Variants in GPR55 observed in about 807,000 individuals in gnomAD.
The protein encoded by GPR55 is G protein-coupled receptor 55, also known as G-protein coupled receptor 55.
Under a neutral mutation model 7.9 loss-of-function variants are expected in GPR55, and 6 were observed. The observed-to-expected ratio is 0.76, with a 90% CI of 0.41 to 1.49. The LOEUF (loss-of-function observed/expected upper bound fraction) is 1.49. Ranked by LOEUF, GPR55 falls within the 40% of genes most tolerant of loss-of-function variation. The pLI, the probability that GPR55 is intolerant of heterozygous loss-of-function variation, is 0.01. For synonymous variants in GPR55, 183 were observed against 166.8 expected, an observed-to-expected ratio of 1.10 and a Z score of -0.75; for missense variants, 376 against 406.0, an observed-to-expected ratio of 0.93 and a Z score of 0.63.
chr2:230,922,196 G>A (rs911634840), intron 1 of GPR55, among the ~76,000 whole-genome samples: 1 of 152,158 alleles, frequency 6.6e-6, no homozygotes, highest in Admixed American at 6.5e-5. Context: ...TCAATATAAG[G>A]CTGTTTTCCA....
chr2:230,957,980 T>C, intron 1 of GPR55: 1 of 426,640 alleles, frequency 2.3e-6, no homozygotes, highest in Non-Finnish European at 4.7e-6. Flanking sequence ...GAAATCAGAC[T>C]CCCTGAAGTC....
chr2:230,938,353 A>G (rs1691165282), intron 1 of GPR55, among the ~76,000 whole-genome samples: 2 of 150,330 alleles, frequency 1.3e-5, no homozygotes, highest in Non-Finnish European at 1.5e-5. Flanking sequence ...CTTCTAAACT[A>G]TGTAAGAAAT....
chr2:230,929,257 G>A (rs1268675163), upstream of GPR55, among the ~76,000 whole-genome samples: 1 of 152,136 alleles, frequency 6.6e-6, no homozygotes, highest in Non-Finnish European at 1.5e-5. Context: ...AGTCCCTGAG[G>A]ACTGACACCC....
At chr2:230,939,384 G>T (rs1167033589) in intron 1 of GPR55, among the ~76,000 whole-genome samples, 3 of 152,214 alleles carry the variant, frequency 2.0e-5, no homozygotes, top group Non-Finnish European at 4.4e-5. Context: ...GCAGTTTGGA[G>T]CCAGGCAATG....
At chr2:230,942,896 T>C (rs1302614332) in intron 1 of GPR55, among the ~76,000 whole-genome samples, 1 of 151,962 alleles carries the variant, frequency 6.6e-6, no homozygotes, top group African/African-American at 2.4e-5. Flanking sequence ...AGCAGACCAA[T>C]TTTTCCTTCA....
chr2:230,909,627 TTC>T lies in GPR55; in HGVS notation c.*374_*375del, dbSNP rs891866656. The T allele has an allele frequency of 3.6e-3, 759 of 210,524 alleles. 4 individuals carry two copies. Among genetic ancestry groups the T allele is most frequent in the African/African-American group, 8.8e-3 (381 of 43,426 alleles). The allele number at this position is 210,524 out of a possible 1,614,324, so 13.0% of individuals were successfully genotyped here. On this transcript the variant is annotated 3_prime_UTR_variant, in exon 2 of 2. Transcript: ENST00000650999. ...CTCTTGGCTCCCTCCTTTACCTCTT[TTC>T]TCTCTCTCTCTTTCTTTCCAGAACC...
intron 1 of GPR55, among the ~76,000 whole-genome samples, chr2:230,930,645 AGG>A (rs1691021206): frequency 6.6e-6 from 1 of 151,986 alleles, no homozygotes; most frequent in Non-Finnish European, 1.5e-5. Flanking sequence ...CAAAATACAA[AGG>A]CATTGAGAGG....
At chr2:230,915,911 A>G (rs1690703239) in intron 1 of GPR55, among the ~76,000 whole-genome samples, 1 of 152,190 alleles carries the variant, frequency 6.6e-6, no homozygotes, top group South Asian at 2.1e-4. Flanking sequence ...CAACCGCCCC[A>G]AAACTTTAGA....
rs368415255 is a variant in GPR55 at position 230,910,062 on chromosome 2, C to T, written c.901G>A (p.Ala301Thr). The T allele has an allele frequency of 1.2e-6, 2 of 1,614,062 alleles. No individual in the cohort carries two copies. Among genetic ancestry groups the T allele is most frequent in the Non-Finnish European group, 1.7e-6 (2 of 1,179,964 alleles). ...AGCTGGACCCTGGAAGGCCGGTGGGCCCTGATGTTCATGCGGAATTCTTTG... is the reference window on the plus strand; with the variant it reads ...AGCTGGACCCTGGAAGGCCGGTGGGTCCTGATGTTCATGCGGAATTCTTTG... ...VIKEFRMNIRAHRPSRVQLVL... is the reference protein window; with the variant it reads ...VIKEFRMNIRTHRPSRVQLVL... Residue 301 changes from alanine to threonine, a missense_variant, in exon 2 of 2, where the codon GCC (alanine) becomes ACC (threonine). Transcript: ENST00000650999. The surrounding 1 kb of genome is among the most constrained non-coding windows in gnomAD (Gnocchi z 5.4).
At chr2:230,921,748 G>A (rs1690841871) in intron 1 of GPR55, among the ~76,000 whole-genome samples, 2 of 152,162 alleles carry the variant, frequency 1.3e-5, no homozygotes, top group African/African-American at 4.8e-5. Flanking sequence ...AGTGACCATG[G>A]CCAATGCACA....
intron 1 of GPR55, among the ~76,000 whole-genome samples, chr2:230,913,771 A>T (rs992662644): frequency 3.3e-5 from 5 of 152,234 alleles, no homozygotes; most frequent in African/African-American, 1.2e-4. Flanking sequence ...AAATGATGAG[A>T]AAAGCAGGTC....
upstream of GPR55, among the ~76,000 whole-genome samples, chr2:230,926,565 A>G (rs183328897): frequency 1.1e-3 from 161 of 152,148 alleles, no homozygotes; most frequent in African/African-American, 3.5e-3. Context: ...CTCCATACCC[A>G]GAGCCTGCAA....
intron 1 of GPR55, among the ~76,000 whole-genome samples, chr2:230,938,370 A>G (rs1349229370): frequency 1.3e-5 from 2 of 148,958 alleles, no homozygotes; most frequent in African/African-American, 5.1e-5. Flanking sequence ...AAATACAATC[A>G]AAGTTCTCTT....
In GPR55 at chr2:230,923,053, C is replaced by A. The variant is rs977707451; in HGVS notation, c.-135+2115G>T. On this transcript the variant is annotated intron_variant, in intron 1 of 1. Transcript: ENST00000650999. The surrounding 1 kb of genome is among the most constrained non-coding windows in gnomAD (Gnocchi z 4.1). ...CTACACATTCTGCAGCTGGGATTCC[C>A]GCAACTGCCAGTGGTCCATGGTACC... Among the ~76,000 whole-genome samples the A allele has an allele frequency of 1.3e-5, 2 of 152,198 alleles. No homozygotes were observed. The highest frequency in any genetic ancestry group is 6.5e-5 in the Admixed American group (1 of 15,284).
chr2:230,954,359 G>A (rs773361514), intron 1 of GPR55, among the ~76,000 whole-genome samples: 3 of 152,238 alleles, frequency 2.0e-5, no homozygotes, highest in Admixed American at 6.5e-5. Flanking sequence ...AAGAGGACTC[G>A]GCTTAACTCT....
intron 1 of GPR55, chr2:230,957,751 AG>A (rs1189236618): frequency 3.6e-6 from 2 of 551,560 alleles, no homozygotes; most frequent in African/African-American, 1.9e-5. Context: ...TTTGTTAACT[AG>A]TAGAATTAGA....
At chr2:230,941,108 C>T (rs1307916909) in intron 1 of GPR55, among the ~76,000 whole-genome samples, 1 of 151,556 alleles carries the variant, frequency 6.6e-6, no homozygotes, top group Non-Finnish European at 1.5e-5. Context: ...CAGAGCAAGA[C>T]TCCATCTCCA....
intron 1 of GPR55, among the ~76,000 whole-genome samples, chr2:230,911,892 A>T (rs1456418206): frequency 1.3e-5 from 2 of 152,130 alleles, no homozygotes; most frequent in African/African-American, 2.4e-5. Flanking sequence ...GAGCCTGGTC[A>T]ATTTGGGGTG....
chr2:230,951,425 C>T (rs895087937), intron 1 of GPR55, among the ~76,000 whole-genome samples: 1 of 152,246 alleles, frequency 6.6e-6, no homozygotes, highest in African/African-American at 2.4e-5. Flanking sequence ...TTAAAATATA[C>T]ACACGTAATC....
Sources: gnomAD v4.1 joint callset for allele counts (sites outside exome capture counted in the v4.1 genomes callset) on GRCh38, gnomAD v4.1.1 for gene constraint, Gnocchi (gnomAD v3.1) non-coding constraint, MANE v1.5 for transcripts, NCBI Gene and HGNC (gene_info 2026-07-23, HGNC 2026-07-21) for gene names.